Variants in CSMD1 observed in about 807,000 individuals in gnomAD.
The protein encoded by CSMD1 is CUB and Sushi multiple domains 1.
A neutral mutation model predicts 417.5 loss-of-function variants in CSMD1; 213 were observed. The ratio of observed to expected loss-of-function variants is 0.51; its 90% CI spans 0.46 to 0.57. The LOEUF (loss-of-function observed/expected upper bound fraction) is 0.57, where lower values mean the gene tolerates loss of function less well. Ranked by LOEUF, CSMD1 falls within the 20% of genes least tolerant of loss-of-function variation. The pLI is 0.00. For synonymous variants in CSMD1, 2,862 were observed against 1,736.8 expected (o/e 1.65, Z -16.11); for missense variants, 6,923 against 4,529.7 (o/e 1.53, Z -15.17).
intron 1 of CSMD1, among the ~76,000 whole-genome samples, chr8:4,766,753 C>A (rs1488483865): frequency 6.6e-6 from 1 of 152,138 alleles, no homozygotes. Flanking sequence ...TTCTTCACGC[C>A]TGATTTATGA....
At chr8:3,758,801 G>A (rs1437088269) in intron 5 of CSMD1, among the ~76,000 whole-genome samples, 1 of 152,136 alleles carries the variant, frequency 6.6e-6, no homozygotes, top group Non-Finnish European at 1.5e-5. Context: ...TGAGGACTTT[G>A]CAGAACAATG....
At chr8:3,812,830 G>C (rs1801158517) in intron 5 of CSMD1, among the ~76,000 whole-genome samples, 1 of 152,132 alleles carries the variant, frequency 6.6e-6, no homozygotes, top group Admixed American at 6.6e-5. Context: ...TAGGAGTTTT[G>C]AAACATTTAT....
intron 3 of CSMD1, among the ~76,000 whole-genome samples, chr8:4,379,456 C>G (rs1007439820): frequency 6.6e-6 from 1 of 152,260 alleles, no homozygotes; most frequent in Non-Finnish European, 1.5e-5. Context: ...AATGCTGTGT[C>G]AACATTAATG....
chr8:3,941,503 G>T (rs1376765222), intron 5 of CSMD1, among the ~76,000 whole-genome samples: 2 of 152,116 alleles, frequency 1.3e-5, no homozygotes, highest in Non-Finnish European at 2.9e-5. Flanking sequence ...AATAAAAGGA[G>T]CTTTGATTTA....
intron 1 of CSMD1, among the ~76,000 whole-genome samples, chr8:4,820,296 C>A (rs1215350433): frequency 6.6e-6 from 1 of 152,186 alleles, no homozygotes; most frequent in Admixed American, 6.5e-5. Context: ...GGGCTGGGCA[C>A]AGTTAGTGCG....
intron 5 of CSMD1, 99 bp downstream of exon 5, chr8:3,997,804 C>G (rs953757102): frequency 1.9e-6 from 2 of 1,074,776 alleles, no homozygotes; most frequent in East Asian, 5.2e-5. Context: ...ACATGCTTGC[C>G]CATGAACGTC....
chr8:3,474,303 A>G (rs1333966315), intron 11 of CSMD1, among the ~76,000 whole-genome samples: 1 of 152,196 alleles, frequency 6.6e-6, no homozygotes, highest in Admixed American at 6.5e-5. Flanking sequence ...CAAATGCAGG[A>G]CAATAAACAA....
intron 5 of CSMD1, among the ~76,000 whole-genome samples, chr8:3,968,027 A>G (rs1239541232): frequency 1.5e-5 from 2 of 130,876 alleles, no homozygotes; most frequent in Non-Finnish European, 3.3e-5. Context: ...AAAAAAAAAA[A>G]TTACAAAAAA....
intron 41 of CSMD1, among the ~76,000 whole-genome samples, chr8:3,135,522 T>G: frequency 8.1e-6 from 1 of 123,154 alleles, no homozygotes; most frequent in Non-Finnish European, 1.8e-5. Context: ...TTTCTGACTC[T>G]GTGAACCGGC....
chr8:3,717,284 C>G (rs7839789), intron 6 of CSMD1, among the ~76,000 whole-genome samples: 1 of 152,060 alleles, frequency 6.6e-6, no homozygotes, highest in Non-Finnish European at 1.5e-5. Flanking sequence ...ACTCTTTCAA[C>G]GCTTATCTCA....
chr8:3,835,098 G>A (rs1434395871), intron 5 of CSMD1, among the ~76,000 whole-genome samples: 1 of 148,934 alleles, frequency 6.7e-6, no homozygotes, highest in Non-Finnish European at 1.5e-5. Flanking sequence ...AGAGAAATAG[G>A]AACACTTTTA....
At chr8:4,538,480 T>C (rs1162333654) in intron 2 of CSMD1, among the ~76,000 whole-genome samples, 1 of 151,954 alleles carries the variant, frequency 6.6e-6, no homozygotes, top group African/African-American at 2.4e-5. Flanking sequence ...CTGTCTCTAC[T>C]AAAAATAGAA....
At chr8:3,927,993 A>G (rs184927305) in intron 5 of CSMD1, among the ~76,000 whole-genome samples, 12 of 152,272 alleles carry the variant, frequency 7.9e-5, no homozygotes, top group Middle Eastern at 3.4e-3. Flanking sequence ...GAAGAATATG[A>G]TGGTTTTAAA....
chr8:4,784,672 A>C (rs10111583), intron 1 of CSMD1, among the ~76,000 whole-genome samples: 14,437 of 152,198 alleles, frequency 0.095, 789 homozygotes, highest in East Asian at 0.27. Flanking sequence ...AATATTTTTG[A>C]AAATTCAGAA....
intron 19 of CSMD1, among the ~76,000 whole-genome samples, chr8:3,368,285 G>C (rs139938176): frequency 6.6e-6 from 1 of 152,114 alleles, no homozygotes; most frequent in Non-Finnish European, 1.5e-5. Flanking sequence ...AAATCTATGT[G>C]AAAAGACGAA....
chr8:4,139,022 G>A (rs577014601), intron 3 of CSMD1, among the ~76,000 whole-genome samples: 21 of 152,018 alleles, frequency 1.4e-4, no homozygotes, highest in Non-Finnish European at 2.9e-4. Flanking sequence ...AAGGACATAT[G>A]CTGCATGTTT....
intron 10 of CSMD1, among the ~76,000 whole-genome samples, chr8:3,552,461 G>C (rs1225784945): frequency 2.6e-5 from 4 of 152,100 alleles, no homozygotes; most frequent in African/African-American, 9.7e-5. Context: ...CAGTTATAAA[G>C]CTTCCTCTGA....
intron 11 of CSMD1, among the ~76,000 whole-genome samples, chr8:3,477,496 T>A (rs537550920): frequency 6.6e-6 from 1 of 152,340 alleles, no homozygotes; most frequent in African/African-American, 2.4e-5. Flanking sequence ...TGGAGATTAA[T>A]AAGGATAAGT....
chr8:3,881,663 C>T (rs941542549), intron 5 of CSMD1, among the ~76,000 whole-genome samples: 16 of 144,778 alleles, frequency 1.1e-4, no homozygotes, highest in African/African-American at 3.6e-4. Flanking sequence ...CCAACAACAA[C>T]AAAAGAAAAC....
Sources: allele counts gnomAD v4.1 joint callset (sites outside exome capture counted in the v4.1 genomes callset), GRCh38; gene constraint gnomAD v4.1.1; transcripts MANE v1.5; gene names NCBI Gene and HGNC (gene_info 2026-07-23, HGNC 2026-07-21).